ACOT12: variants seen among roughly 807,000 people sequenced by gnomAD.
The protein encoded by ACOT12 is acyl-CoA thioesterase 12.
A neutral mutation model predicts 67.7 loss-of-function variants in ACOT12; 51 were observed. That is an observed-to-expected ratio of 0.75 (90% confidence interval 0.60 to 0.95). The LOEUF is 0.95. Ranked by LOEUF, ACOT12 falls within the 40% of genes least tolerant of loss-of-function variation. ACOT12 has a pLI of 0.00. For synonymous variants in ACOT12, 251 were observed against 244.6 expected (o/e 1.03, Z -0.24); for missense variants, 734 against 708.1 (o/e 1.04, Z -0.41).
intron 12 of ACOT12, among the ~76,000 whole-genome samples, chr5:81,333,134 G>A (rs1401199170): frequency 1.3e-5 from 2 of 151,590 alleles, no homozygotes; most frequent in East Asian, 3.9e-4. Flanking sequence ...GAATAATTCT[G>A]CAAGTGATAG....
chr5:81,353,783 A>G (rs1759625098), intron 5 of ACOT12, among the ~76,000 whole-genome samples: 1 of 152,192 alleles, frequency 6.6e-6, no homozygotes, highest in African/African-American at 2.4e-5. Flanking sequence ...TCACTGTTCT[A>G]ATAATATGCA....
the ACOT12 span, among the ~76,000 whole-genome samples, chr5:81,320,803 GT>G: frequency 6.6e-6 from 1 of 152,142 alleles, no homozygotes; most frequent in Non-Finnish European, 1.5e-5. Context: ...GTTTTGTTTT[GT>G]TTTGTTTGGG....
At chr5:81,362,586 T>A (rs1324748651) in intron 4 of ACOT12, among the ~76,000 whole-genome samples, 1 of 152,176 alleles carries the variant, frequency 6.6e-6, no homozygotes, top group Non-Finnish European at 1.5e-5. Context: ...CAAGGTGTAT[T>A]CCTTTGTCAC....
At chr5:81,368,771 C>A (rs1760156519) in intron 3 of ACOT12, among the ~76,000 whole-genome samples, 1 of 150,846 alleles carries the variant, frequency 6.6e-6, no homozygotes. Context: ...CAAATTAAAC[C>A]CAAAATAAAT....
At chr5:81,339,322 C>T (rs1759115791) in intron 11 of ACOT12, among the ~76,000 whole-genome samples, 1 of 152,208 alleles carries the variant, frequency 6.6e-6, no homozygotes, top group South Asian at 2.1e-4. Flanking sequence ...AATAGCTCCC[C>T]TCTGGTCTGT....
downstream of ACOT12, among the ~76,000 whole-genome samples, chr5:81,325,616 A>G (rs1470416286): frequency 2.0e-5 from 3 of 152,142 alleles, no homozygotes; most frequent in Admixed American, 1.3e-4. Flanking sequence ...CTTTTTTTCT[A>G]ATCTATTTTC....
chr5:81,392,461 T>C (rs1177140512), intron 1 of ACOT12, among the ~76,000 whole-genome samples: 1 of 152,094 alleles, frequency 6.6e-6, no homozygotes, highest in African/African-American at 2.4e-5. Context: ...ACTATTAAGG[T>C]ATAGAGTAAT....
chr5:81,351,130 G>A (rs1172812621), intron 5 of ACOT12, among the ~76,000 whole-genome samples: 1 of 152,142 alleles, frequency 6.6e-6, no homozygotes, highest in Non-Finnish European at 1.5e-5. Flanking sequence ...CCACTATATT[G>A]CTAGAATCAA....
At chr5:81,378,507 G>A (rs1421119389) in intron 2 of ACOT12, among the ~76,000 whole-genome samples, 1 of 152,118 alleles carries the variant, frequency 6.6e-6, no homozygotes, top group African/African-American at 2.4e-5. Context: ...AAACTAAAGA[G>A]TTTCTGCCAA....
In ACOT12 at chr5:81,360,038, T is replaced by A; in HGVS notation, c.361A>T (p.Ile121Phe). 1.3e-6 allele frequency: 2 copies of A among 1,595,380 alleles called. No homozygotes were observed. The highest frequency in any genetic ancestry group is 4.5e-5 in the East Asian group (2 of 44,550). Residue 121 changes from isoleucine to phenylalanine, a missense_variant and splice_region_variant, in exon 5 of 15, where the codon ATT becomes TTT. Transcript: ENST00000307624. ...FVAKPVGKEK[I>F]HLKPVTLLTE... The stretch of plus-strand genomic sequence containing the variant: ...AGAAGTGTGACTGGTTTTAAATGAA[T>A]CTAGAGAAAGAAAAGCATTTATCTT...
chr5:81,375,441 C>T (rs1760382499), intron 2 of ACOT12, among the ~76,000 whole-genome samples: 1 of 152,014 alleles, frequency 6.6e-6, no homozygotes, highest in Non-Finnish European at 1.5e-5. Flanking sequence ...AACTAACAGG[C>T]AAAAGAATCA....
intron 1 of ACOT12, among the ~76,000 whole-genome samples, chr5:81,389,060 A>G (rs1266687835): frequency 6.6e-6 from 1 of 152,210 alleles, no homozygotes; most frequent in African/African-American, 2.4e-5. Context: ...CAGCATGAAA[A>G]TGGACTAATA....
intron 5 of ACOT12, among the ~76,000 whole-genome samples, chr5:81,359,304 C>T (rs114028599): frequency 0.013 from 1,981 of 152,182 alleles, 38 homozygotes; most frequent in South Asian, 0.02. Context: ...GGGGCAAGGG[C>T]GGGGCTCTGC....
the ACOT12 span, among the ~76,000 whole-genome samples, chr5:81,324,196 C>T: frequency 1.3e-5 from 2 of 152,108 alleles, no homozygotes; most frequent in Non-Finnish European, 2.9e-5. Context: ...CTGCCTTGGC[C>T]TCCCAAAGTG....
At chr5:81,336,162 T>C (rs552427893) in intron 11 of ACOT12, among the ~76,000 whole-genome samples, 46 of 152,180 alleles carry the variant, frequency 3.0e-4, no homozygotes, top group Non-Finnish European at 4.1e-4. Flanking sequence ...GTTTTTTTTT[T>C]TCTCATGAAA....
At chr5:81,389,710 A>T (rs1356797208) in intron 1 of ACOT12, among the ~76,000 whole-genome samples, 6 of 151,738 alleles carry the variant, frequency 4.0e-5, no homozygotes, top group Non-Finnish European at 8.8e-5. Context: ...TATTTTTAGT[A>T]AAGATGGGAT....
chr5:81,387,874 T>C (rs943556224), intron 1 of ACOT12, among the ~76,000 whole-genome samples: 1 of 152,204 alleles, frequency 6.6e-6, no homozygotes, highest in East Asian at 1.9e-4. Context: ...ACTTAAATGA[T>C]AACTAAAATG....
At position 81,394,040 on chromosome 5, in the gene ACOT12, C is replaced by T; in HGVS notation, c.75G>A (p.Glu25=). The stretch of plus-strand genomic sequence containing the variant: ...ACTTGAGCAGCTGCCCCGCGCTCAG[C>T]TCGCCGCGCGCAGTGGCGTGCGCCG... ...IQPAHATARG[E]LSAGQLLKWI... is the part of the protein sequence containing the mutation. The change falls in exon 1 of 15, where the codon GAG becomes GAA. Residue 25 remains glutamate (E), a synonymous_variant. Coordinates refer to ENST00000307624, the MANE Select transcript of ACOT12 (RefSeq NM_130767.3). 6 of 1,471,468 alleles carry T rather than the reference C, an allele frequency of 4.1e-6. 1 individual carries two copies. Among genetic ancestry groups the T allele is most frequent in the Non-Finnish European group, 4.5e-6 (5 of 1,117,216 alleles). The allele number at this position is 1,471,468 out of a possible 1,614,324, so 91.2% of individuals were successfully genotyped here. A position where few individuals can be genotyped will look rare whatever the true frequency, so the allele number is the denominator to read the frequency against.
In ACOT12 at chr5:81,335,793, G is replaced by A. The variant is rs147623252; in HGVS notation, c.1237C>T (p.Arg413Ter). 56 of 1,611,454 alleles carry A rather than the reference G, an allele frequency of 3.5e-5. No individual in the cohort carries two copies. The highest frequency in any genetic ancestry group is 1.1e-4 in the African/African-American group (8 of 74,870). ...ACAAAATGGGGGTCCCACAAAGGTC[G>A]CTTTGTAAAGTCAGACAAGAGACGA... Reference protein sequence around the residue: ...AYRLLSDFTKRPLWDPHFVSC... With the variant: ...AYRLLSDFTK Residue 413 changes from arginine to a stop codon, truncating the protein, a stop_gained, in exon 12 of 15, where the codon CGA (arginine) becomes TGA (stop). Coordinates refer to ENST00000307624, the MANE Select transcript of ACOT12 (RefSeq NM_130767.3). LOFTEE classifies it high-confidence loss of function.
Sources: gnomAD v4.1 joint callset for allele counts (sites outside exome capture counted in the v4.1 genomes callset) on GRCh38, gnomAD v4.1.1 for gene constraint, MANE v1.5 for transcripts, NCBI Gene and HGNC (gene_info 2026-07-23, HGNC 2026-07-21) for gene names.